EXD3: variants seen among roughly 807,000 people sequenced by gnomAD.
The protein encoded by EXD3 is exonuclease mut-7 homolog.
EXD3 carries 92 observed loss-of-function variants against 98.0 expected under a neutral mutation model. The ratio of observed to expected loss-of-function variants is 0.94; its 90% CI spans 0.79 to 1.12. The LOEUF (loss-of-function observed/expected upper bound fraction) is 1.12, where lower values mean the gene tolerates loss of function less well. Among genes scored for constraint, EXD3 ranks in the 50% most tolerant of loss-of-function variants. The pLI, the probability that EXD3 is intolerant of heterozygous loss-of-function variation, is 0.00. For missense variants in EXD3, 1,222 were observed against 1,191.6 expected, an observed-to-expected ratio of 1.03 and a Z score of -0.38; for synonymous variants, 569 against 526.0, an observed-to-expected ratio of 1.08 and a Z score of -1.12.
At chr9:137,382,128 CGCGG>C (rs1564194779) in intron 3 of EXD3, among the ~76,000 whole-genome samples, 15 of 125,342 alleles carry the variant, frequency 1.2e-4, no homozygotes, top group African/African-American at 3.6e-4. Flanking sequence ...GAGGTGAGGG[CGCGG>C]GGAGGAGGTG....
intron 2 of EXD3, chr9:137,392,902 A>G: frequency 2.6e-6 from 1 of 380,178 alleles, no homozygotes; most frequent in Non-Finnish European, 4.9e-6. Context: ...AGCGGGCACC[A>G]TGTCTGTTCT....
At chr9:137,422,458 G>A (rs951361237) in intron 1 of EXD3, among the ~76,000 whole-genome samples, 1 of 152,076 alleles carries the variant, frequency 6.6e-6, no homozygotes, top group Non-Finnish European at 1.5e-5. Context: ...GCGAACCAAT[G>A]CCATTTCTAC....
At chr9:137,383,254 C>T (rs1163299229) in intron 3 of EXD3, 59 bp downstream of exon 3, 1 of 1,415,014 alleles carries the variant, frequency 7.1e-7, no homozygotes, top group Non-Finnish European at 9.8e-7. Context: ...CCAGTCTCTG[C>T]CCAACAGTCA....
intron 1 of EXD3, among the ~76,000 whole-genome samples, chr9:137,412,298 C>T (rs1024604931): frequency 2.0e-5 from 3 of 152,208 alleles, no homozygotes; most frequent in Admixed American, 2.0e-4. Context: ...GTGCAAGACA[C>T]GTGATTAGAG....
chr9:137,353,845 G>C, intron 10 of EXD3: 1 of 986,776 alleles, frequency 1.0e-6, no homozygotes, highest in Non-Finnish European at 1.2e-6. Context: ...TGCCCCGCTG[G>C]CTTCAGGCCC....
At chr9:137,406,249 AAAAGG>A (rs1193861061) in intron 1 of EXD3, among the ~76,000 whole-genome samples, 2 of 151,624 alleles carry the variant, frequency 1.3e-5, no homozygotes, top group South Asian at 2.1e-4. Context: ...AAAAGAAAAG[AAAAGG>A]AAAGGAAAAG....
intron 19 of EXD3, among the ~76,000 whole-genome samples, chr9:137,312,020 G>A (rs62586773): frequency 0.34 from 52,234 of 152,108 alleles, 9,104 homozygotes; most frequent in East Asian, 0.43. Context: ...GCTTCTGAGG[G>A]CTTGCTGAGT....
chr9:137,337,035 G>A (rs1010959715), intron 17 of EXD3, among the ~76,000 whole-genome samples: 4 of 151,870 alleles, frequency 2.6e-5, no homozygotes, highest in Non-Finnish European at 5.9e-5. Flanking sequence ...TATAAAAGAA[G>A]GTTGAAAGTA....
At chr9:137,360,463 C>CT (rs398113954) in intron 7 of EXD3, among the ~76,000 whole-genome samples, 29,630 of 59,370 alleles carry the variant, frequency 0.5, 12,175 homozygotes, top group African/African-American at 0.54. Flanking sequence ...TTTTCTTCTT[C>CT]TTTTTTTTTT....
intron 1 of EXD3, among the ~76,000 whole-genome samples, chr9:137,417,830 CG>C (rs1838310525): frequency 6.6e-6 from 1 of 151,768 alleles, no homozygotes; most frequent in African/African-American, 2.4e-5. Flanking sequence ...AGGGCGCCTG[CG>C]GGGGAGGCCG....
intron 17 of EXD3, among the ~76,000 whole-genome samples, chr9:137,339,218 G>C (rs1458807589): frequency 6.6e-6 from 1 of 152,078 alleles, no homozygotes; most frequent in Non-Finnish European, 1.5e-5. Context: ...CACAGGAAGT[G>C]AGCCAGTTTC....
Position 137,351,448 on chromosome 9 carries a change from C to T in EXD3, c.1254G>A (p.Gln418=). The change falls in exon 13 of 22, where the codon CAG becomes CAA. Residue 418 remains glutamine (Q), a synonymous_variant. Transcript: ENST00000340951. ...AGGRPRPSLL[Q]VAVEGHVFLL... ...GGAACACGTGGCCCTCCACGGCCAC[C>T]TGCAGGAGTGACGGCCGAGGCCGGC... 6.2e-7 allele frequency: 1 copy of T among 1,604,704 alleles called. No individual in the cohort carries two copies. The highest frequency in any genetic ancestry group is 2.3e-5 in the East Asian group (1 of 44,444).
chr9:137,383,781 G>A (rs1170720729), intron 2 of EXD3, among the ~76,000 whole-genome samples: 1 of 152,202 alleles, frequency 6.6e-6, no homozygotes, highest in African/African-American at 2.4e-5. Flanking sequence ...GCACCACGAG[G>A]ACCCCAAGCC....
chr9:137,372,873 T>C (rs1835702702), intron 5 of EXD3, 32 bp downstream of exon 5: 1 of 1,594,580 alleles, frequency 6.3e-7, no homozygotes, highest in Non-Finnish European at 8.5e-7. Context: ...AGAAGCCGTT[T>C]CCCCATGAGC....
intron 3 of EXD3, among the ~76,000 whole-genome samples, chr9:137,382,993 G>A (rs985255982): frequency 6.6e-6 from 1 of 152,238 alleles, no homozygotes; most frequent in Non-Finnish European, 1.5e-5. Flanking sequence ...GCGGTGGCAG[G>A]ACGGGGCCTC....
intron 6 of EXD3, among the ~76,000 whole-genome samples, chr9:137,367,327 C>A (rs1448420458): frequency 1.3e-5 from 2 of 152,192 alleles, no homozygotes; most frequent in African/African-American, 2.4e-5. Flanking sequence ...CACAGCCCTG[C>A]AGGCTGTGTA....
intron 7 of EXD3, 157 bp downstream of exon 7, chr9:137,366,336 C>G (rs1835255902): frequency 9.3e-7 from 1 of 1,078,222 alleles, no homozygotes; most frequent in Non-Finnish European, 1.4e-6. Flanking sequence ...CCAGAGGCAG[C>G]TGCTCCAGCT....
chr9:137,362,506 ATT>A (rs35995834), intron 7 of EXD3, among the ~76,000 whole-genome samples: 8 of 143,248 alleles, frequency 5.6e-5, no homozygotes, highest in Non-Finnish European at 6.1e-5. Flanking sequence ...GAACTTCCTC[ATT>A]TTTTTTTTTT....
intron 5 of EXD3, among the ~76,000 whole-genome samples, chr9:137,370,574 C>T (rs1356159786): frequency 1.3e-5 from 2 of 149,748 alleles, no homozygotes; most frequent in African/African-American, 4.9e-5. Context: ...GTAGAAACCT[C>T]TAGACAGGCC....
Sources: gnomAD v4.1 joint callset for allele counts (sites outside exome capture counted in the v4.1 genomes callset) on GRCh38, gnomAD v4.1.1 for gene constraint, MANE v1.5 for transcripts, NCBI Gene and HGNC (gene_info 2026-07-23, HGNC 2026-07-21) for gene names.